Variants in ITK observed in about 807,000 individuals in gnomAD.
The protein encoded by ITK is tyrosine-protein kinase ITK/TSK.
A neutral mutation model predicts 87.6 loss-of-function variants in ITK; 45 were observed. That is an observed-to-expected ratio of 0.51 (90% CI 0.40 to 0.66). The LOEUF is 0.66. ITK is among the 30% of genes least tolerant of loss of function. The probability of loss-of-function intolerance (pLI) is 0.00; values close to 1 mark genes in which losing one functional copy is unlikely to be tolerated. For synonymous variants in ITK, 303 were observed against 273.6 expected (o/e 1.11, Z -1.06); for missense variants, 605 against 766.3 (o/e 0.79, Z 2.48).
intron 4 of ITK, among the ~76,000 whole-genome samples, chr5:157,215,946 T>C (rs1315748968): frequency 6.6e-6 from 1 of 152,174 alleles, no homozygotes; most frequent in Non-Finnish European, 1.5e-5. Context: ...TCTGAATGAC[T>C]CACCAGAATG....
chr5:157,201,386 C>G (rs1402518854), intron 1 of ITK, among the ~76,000 whole-genome samples: 1 of 151,108 alleles, frequency 6.6e-6, no homozygotes, highest in Non-Finnish European at 1.5e-5. Flanking sequence ...CAACCTCCAC[C>G]TCCTGGGTTC....
At chr5:157,199,262 C>T (rs1008100296) in intron 1 of ITK, 1 of 152,178 alleles carries the variant, frequency 6.6e-6, no homozygotes, top group African/African-American at 2.4e-5. Context: ...CTCCCCTACT[C>T]TGCCTTACCA....
chr5:157,235,694 G>A (rs1314184114), intron 8 of ITK, among the ~76,000 whole-genome samples: 2 of 152,198 alleles, frequency 1.3e-5, no homozygotes, highest in Non-Finnish European at 2.9e-5. Flanking sequence ...CAGAATGAAA[G>A]ATGGCTGTAT....
chr5:157,197,140 C>G (rs1014623512), intron 1 of ITK, among the ~76,000 whole-genome samples: 2 of 152,066 alleles, frequency 1.3e-5, no homozygotes, highest in African/African-American at 2.4e-5. Flanking sequence ...GATAAATATA[C>G]CCATATAAAA....
At chr5:157,225,691 G>A (rs756842673) in intron 6 of ITK, among the ~76,000 whole-genome samples, 35 of 152,096 alleles carry the variant, frequency 2.3e-4, no homozygotes, top group Non-Finnish European at 2.6e-4. Flanking sequence ...AACTCCCCTC[G>A]TCTGGAACCT....
intron 1 of ITK, among the ~76,000 whole-genome samples, chr5:157,208,084 G>T (rs1247236771): frequency 6.6e-6 from 1 of 152,162 alleles, no homozygotes; most frequent in Non-Finnish European, 1.5e-5. Flanking sequence ...CCTGTGAGAG[G>T]CTTCTTCCAT....
At chr5:157,202,445 C>T (rs1021452881) in intron 1 of ITK, among the ~76,000 whole-genome samples, 2 of 151,930 alleles carry the variant, frequency 1.3e-5, no homozygotes, top group African/African-American at 4.9e-5. Flanking sequence ...AACTCCTGGC[C>T]TCAAGTGATC....
At chr5:157,232,653 G>GT (rs1328805767) in intron 8 of ITK, among the ~76,000 whole-genome samples, 1 of 152,228 alleles carries the variant, frequency 6.6e-6, no homozygotes, top group Non-Finnish European at 1.5e-5. Flanking sequence ...GAATTGTACT[G>GT]TTTTTTCAGC....
intron 8 of ITK, among the ~76,000 whole-genome samples, chr5:157,233,085 TG>T (rs1754691758): frequency 6.6e-6 from 1 of 152,196 alleles, no homozygotes; most frequent in African/African-American, 2.4e-5. Flanking sequence ...AAAGATGGTA[TG>T]GTGGGGCAGG....
rs768780225 is a variant in ITK, at chr5:157,243,643, T to G, written c.1081T>G (p.Ser361Ala). The change falls in exon 12 of 17, where the codon TCA becomes GCA. Residue 361 changes from serine (S) to alanine (A), a missense_variant. This residue lies in a region of ITK where 464 missense variants were observed against 578.0 expected (regional missense o/e 0.80). Coordinates refer to ENST00000422843, the MANE Select transcript of ITK (RefSeq NM_005546.4). The stretch of plus-strand genomic sequence containing the variant: ...TCCAGGGAAATGGGTGATCGACCCC[T>G]CAGAGCTCACTTTTGTGCAAGAGAT... ...LRYGKWVIDP[S>A]ELTFVQEIGS... 1 of 1,612,896 alleles carries G rather than the reference T, an allele frequency of 6.2e-7. No homozygotes were observed. The highest frequency in any genetic ancestry group is 1.1e-5 in the South Asian group (1 of 91,006).
intron 16 of ITK, among the ~76,000 whole-genome samples, chr5:157,250,998 G>A (rs910578901): frequency 3.3e-5 from 5 of 152,202 alleles, no homozygotes; most frequent in African/African-American, 1.2e-4. Context: ...AAATGTTTAT[G>A]TGCAGATTTT....
chr5:157,230,232 A>T (rs939863907), intron 7 of ITK, among the ~76,000 whole-genome samples: 4 of 152,240 alleles, frequency 2.6e-5, no homozygotes, highest in Admixed American at 6.5e-5. Context: ...TAAAGAGAAT[A>T]GTAAAGCAAA....
intron 16 of ITK, 58 bp from the exon 17 acceptor site, chr5:157,252,549 G>A: frequency 1.5e-6 from 2 of 1,314,684 alleles, no homozygotes; most frequent in South Asian, 1.2e-5. Context: ...GTTTGTTTTG[G>A]ATTTACCTAT....
chr5:157,254,379 C>G lies in ITK; in HGVS notation c.*1701C>G, dbSNP rs115820090. 5 of 223,088 alleles carry G rather than the reference C, an allele frequency of 2.2e-5. No individual in the cohort carries two copies. In the East Asian group the frequency reaches 3.3e-4, roughly 15 times the overall value. The allele number at this position is 223,088 out of a possible 1,614,324, so 13.8% of individuals were successfully genotyped here. A position where few individuals can be genotyped will look rare whatever the true frequency, so the allele number is the denominator to read the frequency against. On this transcript the variant is annotated 3_prime_UTR_variant, in exon 17 of 17. Transcript: ENST00000422843. ...CATGTTGCTTGAAGCCATTTATAGA[C>G]GAGCTTCAAAGCAACTTTAAAAGAT...
rs1313194975 is a variant in ITK, at chr5:157,217,836, A to T, written c.455-31A>T. On this transcript the variant is annotated intron_variant, in intron 4 of 16. Transcript: ENST00000422843. ...GTTGGGTCCATTAGTTTTCATGCTC[A>T]TTTTTTCTTTTCCTGTTTTTCTCTT... is the stretch of plus-strand genomic sequence containing the variant. 5 of 1,609,798 alleles carry T rather than the reference A, an allele frequency of 3.1e-6. No homozygotes were observed. In the South Asian group the frequency reaches 5.5e-5, roughly 18 times the overall value.
chr5:157,198,684 A>G lies in ITK; in HGVS notation c.139-10205A>G, dbSNP rs1036923582. Among the ~76,000 whole-genome samples the G allele has an allele frequency of 2.0e-5, 3 of 152,216 alleles. No homozygotes were observed. The East Asian group carries it at 5.8e-4, about 29-fold the overall frequency. On this transcript the variant is annotated intron_variant, in intron 1 of 16. Transcript: ENST00000422843. Reference sequence around the variant, plus strand: ...TGGGCTGGGGAGGGAGGAACTAGGAACAGCTCATTGCAAATTGCTCTGGTG... The same window carrying G: ...TGGGCTGGGGAGGGAGGAACTAGGAGCAGCTCATTGCAAATTGCTCTGGTG...
At position 157,243,810 on chromosome 5, in the gene ITK, A is replaced by G; in HGVS notation, c.1232+16A>G. 6.2e-7 allele frequency: 1 copy of G among 1,611,666 alleles called. No homozygotes were observed. Among genetic ancestry groups the G allele is most frequent in the East Asian group, 2.2e-5 (1 of 44,876 alleles). On this transcript the variant is annotated intron_variant, in intron 12 of 16. Coordinates refer to ENST00000422843, the MANE Select transcript of ITK (RefSeq NM_005546.4). Reference sequence around the variant, plus strand: ...AAGTAATGATGTGAGTGCTCAGAACAAGGATATGCAGAAACTCTGGGGGGA... The same window carrying G: ...AAGTAATGATGTGAGTGCTCAGAACGAGGATATGCAGAAACTCTGGGGGGA...
At chr5:157,194,722 A>G (rs898488064) in intron 1 of ITK, among the ~76,000 whole-genome samples, 2 of 152,230 alleles carry the variant, frequency 1.3e-5, no homozygotes, top group African/African-American at 2.4e-5. Flanking sequence ...ACTATAATTT[A>G]TGTTAGAAAT....
At chr5:157,236,720 A>AT (rs1754782746) in intron 8 of ITK, among the ~76,000 whole-genome samples, 1 of 152,156 alleles carries the variant, frequency 6.6e-6, no homozygotes, top group Non-Finnish European at 1.5e-5. Flanking sequence ...TAGACTTCAG[A>AT]TTTTTTAATT....
Sources: gnomAD v4.1 joint callset for allele counts (sites outside exome capture counted in the v4.1 genomes callset) on GRCh38, gnomAD v4.1.1 for gene constraint, gnomAD v4.1.1 regional missense constraint, MANE v1.5 for transcripts, NCBI Gene and HGNC (gene_info 2026-07-23, HGNC 2026-07-21) for gene names.